LDLRAD4: variants seen among roughly 807,000 people sequenced by gnomAD.
LDLRAD4 encodes low-density lipoprotein receptor class A domain-containing protein 4.
In LDLRAD4, 5 loss-of-function variants were observed where a neutral mutation model predicts 17.0. That is an observed-to-expected ratio of 0.29 (90% CI 0.15 to 0.62). The LOEUF (loss-of-function observed/expected upper bound fraction) is 0.62, where lower values mean the gene tolerates loss of function less well. Ranked by LOEUF, LDLRAD4 falls within the 20% of genes least tolerant of loss-of-function variation. The probability of loss-of-function intolerance (pLI) is 0.84; values close to 1 mark genes in which losing one functional copy is unlikely to be tolerated. For synonymous variants in LDLRAD4, 168 were observed against 171.8 expected, an observed-to-expected ratio of 0.98 and a Z score of 0.17; for missense variants, 340 against 424.7, an observed-to-expected ratio of 0.80 and a Z score of 1.75.
chr18:13,380,940 A>G (rs2085310792), intron 1 of LDLRAD4, among the ~76,000 whole-genome samples: 2 of 151,704 alleles, frequency 1.3e-5, no homozygotes, highest in South Asian at 4.2e-4. Flanking sequence ...GAAAAGTAGC[A>G]TGAAAAATTC....
At chr18:13,539,973 C>A (rs947514292) in intron 3 of LDLRAD4, among the ~76,000 whole-genome samples, 24 of 152,246 alleles carry the variant, frequency 1.6e-4, no homozygotes, top group African/African-American at 5.5e-4. Flanking sequence ...ACTGTCAGCC[C>A]ACAGGCAAAG....
At position 13,484,808 on chromosome 18, in the gene LDLRAD4, A is replaced by G. The variant is rs528977075; in HGVS notation, c.181+46424A>G. Among the ~76,000 whole-genome samples, 8 of 152,294 alleles carry G rather than the reference A, an allele frequency of 5.3e-5. No homozygotes were observed. In the East Asian group the frequency reaches 1.2e-3, roughly 22 times the overall value. ...TTCAAATGGGTGTCAGTAAATGTGAATCGATTTGGATATTTGGGGGTAGAT... is the reference window on the plus strand; with the variant it reads ...TTCAAATGGGTGTCAGTAAATGTGAGTCGATTTGGATATTTGGGGGTAGAT... On this transcript the variant is annotated intron_variant, in intron 3 of 5. Coordinates refer to ENST00000359446, the Ensembl canonical transcript of LDLRAD4.
chr18:13,418,798 C>T (rs2089176836), intron 2 of LDLRAD4, among the ~76,000 whole-genome samples: 2 of 151,196 alleles, frequency 1.3e-5, no homozygotes, highest in Non-Finnish European at 2.9e-5. Flanking sequence ...GAGATCCAAG[C>T]ATTGCTCCAG....
At chr18:13,220,877 C>T (rs896749671) in intron 1 of LDLRAD4, among the ~76,000 whole-genome samples, 5 of 152,204 alleles carry the variant, frequency 3.3e-5, no homozygotes, top group Admixed American at 6.5e-5. Flanking sequence ...CAGCAGAGAT[C>T]CCTGAGCTCC....
chr18:13,423,467 TG>T (rs1194174013), intron 2 of LDLRAD4: 3 of 150,662 alleles, frequency 2.0e-5, no homozygotes, highest in Admixed American at 2.0e-4. Context: ...CACTCCAACC[TG>T]GGTGACAGAG....
chr18:13,287,995 G>A (rs1316587351), intron 1 of LDLRAD4, among the ~76,000 whole-genome samples: 1 of 152,298 alleles, frequency 6.6e-6, no homozygotes, highest in East Asian at 1.9e-4. Flanking sequence ...CGTAGAAGCC[G>A]TCAGATAAAT....
intron 1 of LDLRAD4, among the ~76,000 whole-genome samples, chr18:13,228,157 G>A (rs1284616647): frequency 6.6e-6 from 1 of 152,212 alleles, no homozygotes; most frequent in East Asian, 1.9e-4. Flanking sequence ...AGGCCTTGGA[G>A]ATGGATTCCA....
chr18:13,486,651 A>G (rs2093229967), intron 3 of LDLRAD4: 1 of 152,150 alleles, frequency 6.6e-6, no homozygotes, highest in Admixed American at 6.5e-5. Flanking sequence ...CACTCTGTTT[A>G]TTAAAATCTT....
At chr18:13,521,483 A>G (rs920638592) in intron 3 of LDLRAD4, 3 of 152,176 alleles carry the variant, frequency 2.0e-5, no homozygotes, top group African/African-American at 7.2e-5. Context: ...AGATTGCCTT[A>G]TTAATGTCCT....
At chr18:13,248,573 C>G (rs1339922175) in intron 1 of LDLRAD4, among the ~76,000 whole-genome samples, 2 of 152,154 alleles carry the variant, frequency 1.3e-5, no homozygotes, top group Non-Finnish European at 2.9e-5. Flanking sequence ...GTTAATAGCT[C>G]TTAGTGTTTT....
chr18:13,343,208 A>G (rs905105497), intron 1 of LDLRAD4, among the ~76,000 whole-genome samples: 1 of 148,964 alleles, frequency 6.7e-6, no homozygotes, highest in African/African-American at 2.5e-5. Flanking sequence ...ACATTAATAT[A>G]TCTCCTAATG....
chr18:13,550,045 T>A (rs543788380), intron 3 of LDLRAD4, among the ~76,000 whole-genome samples: 8 of 152,358 alleles, frequency 5.3e-5, no homozygotes, highest in Admixed American at 4.6e-4. Context: ...TTTTTCTTTC[T>A]TGGAGCATTG....
chr18:13,532,488 G>T (rs954838440), intron 3 of LDLRAD4, among the ~76,000 whole-genome samples: 5 of 139,698 alleles, frequency 3.6e-5, no homozygotes, highest in Admixed American at 2.2e-4. Context: ...AGCAATGCTG[G>T]AACAGTGGGT....
intron 1 of LDLRAD4, among the ~76,000 whole-genome samples, chr18:13,226,180 C>CTTTTTCTTTTTTTTTT: frequency 1.9e-5 from 1 of 52,188 alleles, no homozygotes. Flanking sequence ...CCATGCCTTG[C>CTTTTTCTTTTTTTTTT]TTTTTTTTTT....
chr18:13,561,716 A>G (rs1409752915), intron 3 of LDLRAD4: 1 of 152,196 alleles, frequency 6.6e-6, no homozygotes, highest in Non-Finnish European at 1.5e-5. Context: ...GATTGATACC[A>G]ACATCTCTTG....
chr18:13,482,305 A>G (rs1414258982), intron 3 of LDLRAD4, among the ~76,000 whole-genome samples: 1 of 152,186 alleles, frequency 6.6e-6, no homozygotes, highest in Admixed American at 6.5e-5. Flanking sequence ...TTCCTCTGCC[A>G]GGGACAGGAC....
intron 1 of LDLRAD4, among the ~76,000 whole-genome samples, chr18:13,312,825 A>G (rs1372030635): frequency 1.3e-5 from 2 of 152,238 alleles, no homozygotes; most frequent in Non-Finnish European, 2.9e-5. Context: ...TCTTGAAAGT[A>G]TATGAATGAG....
chr18:13,293,500 C>T (rs1189737064), intron 1 of LDLRAD4, among the ~76,000 whole-genome samples: 1 of 152,144 alleles, frequency 6.6e-6, no homozygotes, highest in Non-Finnish European at 1.5e-5. Flanking sequence ...TATGCAAACC[C>T]CATACAAATG....
rs138735846 is a variant in LDLRAD4, at chr18:13,257,067, T to C, written c.-466-21038T>C. Among the ~76,000 whole-genome samples the C allele has an allele frequency of 7.9e-5, 12 of 152,342 alleles. No individual in the cohort carries two copies. In the East Asian group the frequency reaches 2.3e-3, roughly 29 times the overall value. On this transcript the variant is annotated intron_variant, in intron 1 of 5. Transcript: ENST00000399848. Reference sequence around the variant, plus strand: ...TGACAATGGTTTGTATTCAGAGCTGTTTATGAGCTGTCACAAATCATTTCC... The same window carrying C: ...TGACAATGGTTTGTATTCAGAGCTGCTTATGAGCTGTCACAAATCATTTCC...
Sources: allele counts gnomAD v4.1 joint callset (sites outside exome capture counted in the v4.1 genomes callset), GRCh38; gene constraint gnomAD v4.1.1; transcripts MANE v1.5; gene names NCBI Gene and HGNC (gene_info 2026-07-23, HGNC 2026-07-21).